The following CACNA1I variants were observed in gnomAD, a reference collection of about 807,000 sequenced individuals.
The protein encoded by CACNA1I is calcium voltage-gated channel subunit alpha1 I.
Under a neutral mutation model 201.6 loss-of-function variants are expected in CACNA1I, and 74 were observed. The ratio of observed to expected loss-of-function variants is 0.37; its 90% CI spans 0.30 to 0.45. CACNA1I has a LOEUF of 0.45. CACNA1I is among the 20% of genes least tolerant of loss of function. The pLI, the probability that CACNA1I is intolerant of heterozygous loss-of-function variation, is 1.00. For missense variants in CACNA1I, 2,346 were observed against 3,138.1 expected, an observed-to-expected ratio of 0.75 and a Z score of 6.03; for synonymous variants, 1,431 against 1,345.2, an observed-to-expected ratio of 1.06 and a Z score of -1.40.
At chr22:39,668,766 G>A (rs1018017033) in intron 24 of CACNA1I, among the ~76,000 whole-genome samples, 1 of 152,170 alleles carries the variant, frequency 6.6e-6, no homozygotes, top group Non-Finnish European at 1.5e-5. Flanking sequence ...TTGGGAGCCA[G>A]GAGTAGAAAG....
Position 39,666,029 on chromosome 22 carries a change from TG to T in CACNA1I, c.4104+24del, listed in dbSNP as rs763391647. On this transcript the variant is annotated intron_variant, in intron 23 of 36. Coordinates refer to ENST00000402142, the MANE Select transcript of CACNA1I (RefSeq NM_021096.4). This position sits in a 1 kb window ranked among gnomAD's most constrained non-coding sequence, Gnocchi z 4.1. ...CAGGTGAGCACCACCGTCCTAGCCCTGATCAGACCCTCCCCTCTCTTGGATG... is the reference window on the plus strand; with the variant it reads ...CAGGTGAGCACCACCGTCCTAGCCCTATCAGACCCTCCCCTCTCTTGGATG... 1.2e-6 allele frequency: 2 copies of T among 1,608,212 alleles called. No individual in the cohort carries two copies. The highest frequency in any genetic ancestry group is 4.5e-5 in the East Asian group (2 of 44,662).
intron 7 of CACNA1I, chr22:39,643,595 C>G (rs147234498): frequency 1.3e-5 from 2 of 152,850 alleles, no homozygotes; most frequent in African/African-American, 4.8e-5. Flanking sequence ...GTTGGGTTCT[C>G]TGGCTTCCTG....
chr22:39,674,692 T>TC (rs1040627689), intron 29 of CACNA1I, among the ~76,000 whole-genome samples: 1 of 152,004 alleles, frequency 6.6e-6, no homozygotes, highest in African/African-American at 2.4e-5. Context: ...TGCTTGAGGC[T>TC]CCCCTTCCCC....
chr22:39,598,018 A>G, intron 1 of CACNA1I, 133 bp from the exon 2 acceptor site: 1 of 643,780 alleles, frequency 1.6e-6, no homozygotes, highest in Non-Finnish European at 2.9e-6. Flanking sequence ...CAGGGATGGC[A>G]CCCAGAGGGA....
In CACNA1I at chr22:39,665,819, G is replaced by C; in HGVS notation, c.3979-62G>C. The stretch of plus-strand genomic sequence containing the variant: ...GTCTGAGTAAACGCGATCGAGAGGC[G>C]AGTTCCTCTCTGACTTGCAACCCTC... On this transcript the variant is annotated intron_variant, in intron 22 of 36. Transcript: ENST00000402142. This position sits in a 1 kb window ranked among gnomAD's most constrained non-coding sequence, Gnocchi z 5.5. 1.2e-6 allele frequency: 2 copies of C among 1,605,292 alleles called. No individual in the cohort carries two copies. The highest frequency in any genetic ancestry group is 8.5e-7 in the Non-Finnish European group (1 of 1,172,914).
chr22:39,645,625 C>G (rs1441007583), intron 7 of CACNA1I, among the ~76,000 whole-genome samples: 1 of 152,192 alleles, frequency 6.6e-6, no homozygotes, highest in African/African-American at 2.4e-5. Context: ...GACTCTAGCT[C>G]CTCAGTCATC....
chr22:39,682,485 T>C lies in CACNA1I; in HGVS notation c.5665-11T>C, dbSNP rs999434893. The C allele has an allele frequency of 1.2e-5, 20 of 1,612,264 alleles. No homozygotes were observed. The highest frequency in any genetic ancestry group is 1.5e-5 in the Non-Finnish European group (18 of 1,178,928). On this transcript the variant is annotated splice_polypyrimidine_tract_variant and intron_variant, in intron 34 of 36. Coordinates refer to ENST00000402142, the MANE Select transcript of CACNA1I (RefSeq NM_021096.4). The stretch of plus-strand genomic sequence containing the variant: ...CCAGTCCTGCCCCATCCTACCTCCC[T>C]TTCCTTGCAGGGTGAGCTGGACCCA...
At position 39,663,827 on chromosome 22, in the gene CACNA1I, G is replaced by A. The variant is rs958015686; in HGVS notation, c.3583G>A (p.Glu1195Lys). The change falls in exon 19 of 37, where the codon GAG becomes AAG. Residue 1195 changes from glutamate to lysine, a missense_variant. Glu to Lys is a moderately conservative substitution (Grantham distance 56). This residue lies in a region of CACNA1I where 158 missense variants were observed against 231.6 expected (regional missense o/e 0.68). Transcript: ENST00000402142. Reference sequence around the variant, plus strand: ...CATCGCCCTGGAGCGGCCTCAGATCGAGGCCGGCAGCACCGTGAGTGGCTG... The same window carrying A: ...CATCGCCCTGGAGCGGCCTCAGATCAAGGCCGGCAGCACCGTGAGTGGCTG... ...ITIALERPQI[E>K]AGSTERIFLT... 6 of 1,613,496 alleles carry A rather than the reference G, an allele frequency of 3.7e-6. No individual in the cohort carries two copies. The highest frequency in any genetic ancestry group is 4.2e-6 in the Non-Finnish European group (5 of 1,179,806).
intron 1 of CACNA1I, among the ~76,000 whole-genome samples, chr22:39,592,166 G>A (rs1006772196): frequency 1.3e-5 from 2 of 152,162 alleles, no homozygotes; most frequent in Non-Finnish European, 2.9e-5. Flanking sequence ...CTGTGTGCTT[G>A]GGACGGCTTT....
rs1461447964 is a variant in CACNA1I at position 39,686,325 on chromosome 22, C to T, written c.6592C>T (p.Leu2198=). The change falls in exon 37 of 37, where the codon CTG becomes TTG. Residue 2198 remains leucine (L), a synonymous_variant. Transcript: ENST00000402142. Reference sequence around the variant, plus strand: ...CGGCCGGGCACCGCTGCCCATGGGCCTGGGCCCCTTGGCGCCCCCGCCGCA... The same window carrying T: ...CGGCCGGGCACCGCTGCCCATGGGCTTGGGCCCCTTGGCGCCCCCGCCGCA... ...PPGRAPLPMG[L]GPLAPPPQPL... 7.6e-7 allele frequency: 1 copy of T among 1,317,960 alleles called. No homozygotes were observed. The highest frequency in any genetic ancestry group is 3.6e-5 in the Admixed American group (1 of 27,970). 81.6% of individuals were successfully genotyped at this position (1,317,960 alleles called of 1,614,324 possible).
chr22:39,678,253 C>A, intron 31 of CACNA1I, 145 bp downstream of exon 31: 1 of 931,916 alleles, frequency 1.1e-6, no homozygotes, highest in Non-Finnish European at 1.6e-6. Flanking sequence ...GAGGGGCCTG[C>A]CCAGGACCAG....
At chr22:39,664,317 C>T (rs1041676983) in intron 20 of CACNA1I, among the ~76,000 whole-genome samples, 158 bp downstream of exon 20, 14 of 151,804 alleles carry the variant, frequency 9.2e-5, no homozygotes, top group African/African-American at 3.4e-4. Context: ...GGGCTGGGCT[C>T]CCGCGACCCA....
rs543947056 is a variant in CACNA1I at position 39,670,674 on chromosome 22, C to T, written c.4388-129C>T. On this transcript the variant is annotated intron_variant, in intron 25 of 36. Transcript: ENST00000402142. ...GGAGATCTAACACTGATCCCAGGGC[C>T]TGGGGTGGATCAACATCTTCCTCTT... The T allele has an allele frequency of 1.4e-5, 12 of 849,912 alleles. No homozygotes were observed. In the South Asian group the frequency reaches 1.5e-4, roughly 11 times the overall value. 52.6% of individuals were successfully genotyped at this position (849,912 alleles called of 1,614,324 possible).
Position 39,607,197 on chromosome 22 carries a change from C to T in CACNA1I, c.482+6544C>T, listed in dbSNP as rs996522620. On this transcript the variant is annotated intron_variant, in intron 3 of 36. Transcript: ENST00000402142. Reference sequence around the variant, plus strand: ...AGTACAGAGAACAGGAGGCGCCTTACATCTGAAAGACTTCGCAAGCTTCTG... The same window carrying T: ...AGTACAGAGAACAGGAGGCGCCTTATATCTGAAAGACTTCGCAAGCTTCTG... 3.8e-4 allele frequency among the ~76,000 whole-genome samples: 58 copies of T among 152,170 alleles called. 1 individual carries two copies. Among genetic ancestry groups the T allele is most frequent in the Admixed American group, 3.6e-3 (55 of 15,268 alleles).
chr22:39,595,654 C>T (rs188627527), intron 1 of CACNA1I, among the ~76,000 whole-genome samples: 9 of 151,912 alleles, frequency 5.9e-5, no homozygotes, highest in East Asian at 3.9e-4. Flanking sequence ...GAATCACGTA[C>T]GATAATCAAA....
intron 5 of CACNA1I, among the ~76,000 whole-genome samples, chr22:39,640,596 G>T (rs1300565110): frequency 1.3e-5 from 2 of 152,282 alleles, no homozygotes; most frequent in East Asian, 1.9e-4. Context: ...ACTCCCGAGG[G>T]AGTTGAGGGC....
Position 39,684,431 on chromosome 22 carries a change from A to C in CACNA1I, c.5960A>C (p.Lys1987Thr), listed in dbSNP as rs751934765. The change falls in exon 36 of 37, where the codon AAG becomes ACG. Residue 1987 changes from lysine (K) to threonine (T), a missense_variant. By Grantham distance (78) the Lys-to-Thr change is moderately conservative. This residue lies in a region of CACNA1I where 441 missense variants were observed against 555.6 expected (regional missense o/e 0.79). Transcript: ENST00000402142. The surrounding 1 kb of genome is among the most constrained non-coding windows in gnomAD (Gnocchi z 4.6). ...EKGTGTGTLP[K>T]IALQGSWASL... ...GGCACTGGCACTGGAACCCTCCCCAAGATTGCGCTGCAGGGCTCCTGGGCA... is the reference window on the plus strand; with the variant it reads ...GGCACTGGCACTGGAACCCTCCCCACGATTGCGCTGCAGGGCTCCTGGGCA... The C allele has an allele frequency of 1.3e-4, 210 of 1,613,446 alleles. No individual in the cohort carries two copies. The highest frequency in any genetic ancestry group is 1.7e-4 in the Non-Finnish European group (203 of 1,179,866).
intron 3 of CACNA1I, among the ~76,000 whole-genome samples, chr22:39,601,979 CCCTT>C (rs1178909988): frequency 1.6e-3 from 21 of 13,170 alleles, no homozygotes; most frequent in African/African-American, 7.2e-3. Flanking sequence ...CACCCTCCCT[CCCTT>C]CCTTCCTTCC....
At chr22:39,609,553 G>C (rs1443826105) in intron 3 of CACNA1I, among the ~76,000 whole-genome samples, 2 of 152,212 alleles carry the variant, frequency 1.3e-5, no homozygotes, top group Non-Finnish European at 2.9e-5. Flanking sequence ...TTAAAGACAG[G>C]AAAGAAGGGT....
Sources: allele counts gnomAD v4.1 joint callset (sites outside exome capture counted in the v4.1 genomes callset), GRCh38; gene constraint gnomAD v4.1.1; regional missense constraint gnomAD v4.1.1; non-coding constraint Gnocchi (gnomAD v3.1); transcripts MANE v1.5; gene names NCBI Gene and HGNC (gene_info 2026-07-23, HGNC 2026-07-21).